Variants in POLQ observed in about 807,000 individuals in gnomAD.
POLQ encodes epididymis secretory sperm binding protein.
POLQ carries 233 observed loss-of-function variants against 259.2 expected under a neutral mutation model. The observed-to-expected ratio is 0.90, with a 90% CI of 0.81 to 1.00. POLQ has a LOEUF of 1.00. Among genes scored for constraint, POLQ ranks in the 50% least tolerant of loss-of-function variants. POLQ has a pLI of 0.00. For synonymous variants in POLQ, 1,025 were observed against 1,048.8 expected (o/e 0.98, Z 0.44); for missense variants, 2,871 against 3,051.6 (o/e 0.94, Z 1.39).
At position 121,490,334 on chromosome 3, in the gene POLQ, C is replaced by T. The variant is rs1264975013; in HGVS notation, c.2597G>A (p.Gly866Asp). 6 of 1,614,114 alleles carry T rather than the reference C, an allele frequency of 3.7e-6. No homozygotes were observed. The African/African-American group carries it at 8.0e-5, about 22-fold the overall frequency. ...TTCCCTTTCAGTTAAACCTTTTCTG[C>T]CAGTCACCCAGATAGTTCGCATATT... is the stretch of plus-strand genomic sequence containing the variant. ...RRNMRTIWVT[G>D]RKGLTEREAA... Residue 866 changes from glycine (G) to aspartate (D), a missense_variant, in exon 16 of 30, where the codon GGC becomes GAC. Transcript: ENST00000264233.
chr3:121,437,223 A>G (rs1249496150), intron 27 of POLQ, among the ~76,000 whole-genome samples: 1 of 152,132 alleles, frequency 6.6e-6, no homozygotes, highest in Non-Finnish European at 1.5e-5. Flanking sequence ...AAAATAAAAC[A>G]AAAACCTCTC....
intron 24 of POLQ, among the ~76,000 whole-genome samples, chr3:121,465,578 A>G (rs2047828423): frequency 6.6e-6 from 1 of 152,180 alleles, no homozygotes; most frequent in Non-Finnish European, 1.5e-5. Flanking sequence ...CAAGTGTTTC[A>G]GCACCATTTT....
intron 14 of POLQ, chr3:121,494,812 T>C: frequency 6.6e-7 from 1 of 1,522,220 alleles, no homozygotes; most frequent in East Asian, 2.2e-5. Context: ...AGACCCACCG[T>C]CACTGGGGCG....
Position 121,483,541 on chromosome 3 carries a change from G to T in POLQ, c.5815C>A (p.Leu1939Met). 1 of 1,573,152 alleles carries T rather than the reference G, an allele frequency of 6.4e-7. No homozygotes were observed. The highest frequency in any genetic ancestry group is 8.6e-7 in the Non-Finnish European group (1 of 1,166,368). ...TACCACATCCTGTCTTTCAAAGTCA[G>T]GCTTGGATCTAAAGAAGGTGGAACC... ...SLVPPSLDPSLTLKDRMWYLQ... is the reference protein window; with the variant it reads ...SLVPPSLDPSMTLKDRMWYLQ... Residue 1939 changes from leucine to methionine, a missense_variant, in exon 18 of 30, where the codon CTG becomes ATG. Coordinates refer to ENST00000264233, the MANE Select transcript of POLQ (RefSeq NM_199420.4).
chr3:121,519,893 G>T lies in POLQ; in HGVS notation c.1446C>A (p.Gly482=), dbSNP rs778050221. 6 of 1,594,100 alleles carry T rather than the reference G, an allele frequency of 3.8e-6. No individual in the cohort carries two copies. Among genetic ancestry groups the T allele is most frequent in the South Asian group, 1.1e-5 (1 of 90,712 alleles). The part of the protein sequence containing the change: ...LTYKQMVGRA[G]RKGVDTVGES... ...TACCTACTGTGTCCACTCCTTTCCTGCCAGCACGGCCAACCATCTGCTTAT... is the reference window on the plus strand; with the variant it reads ...TACCTACTGTGTCCACTCCTTTCCTTCCAGCACGGCCAACCATCTGCTTAT... Residue 482 remains glycine, a synonymous_variant, in exon 9 of 30, where the codon GGC becomes GGA. Transcript: ENST00000264233.
At chr3:121,469,639 T>C (rs192440684) in intron 22 of POLQ, among the ~76,000 whole-genome samples, 1 of 152,212 alleles carries the variant, frequency 6.6e-6, no homozygotes, top group Non-Finnish European at 1.5e-5. Context: ...CATCAACACA[T>C]TGTCTTCTTT....
chr3:121,465,118 G>C (rs975251170), intron 24 of POLQ, among the ~76,000 whole-genome samples: 6 of 141,164 alleles, frequency 4.3e-5, no homozygotes, highest in African/African-American at 1.6e-4. Flanking sequence ...ATAGGGTCTT[G>C]CTTTTTCGCC....
intron 24 of POLQ, among the ~76,000 whole-genome samples, chr3:121,465,991 C>T (rs572051129): frequency 1.3e-5 from 2 of 152,246 alleles, no homozygotes; most frequent in African/African-American, 4.8e-5. Flanking sequence ...GAAAGCTAGG[C>T]CTCTTGTGCC....
intron 15 of POLQ, 80 bp from the exon 16 acceptor site, chr3:121,490,488 T>C (rs2048059598): frequency 1.7e-6 from 2 of 1,148,134 alleles, no homozygotes; most frequent in Non-Finnish European, 1.3e-6. Context: ...CAATCTGAGC[T>C]GTTACCAGGA....
At chr3:121,441,858 A>G (rs1172492379) in intron 26 of POLQ, among the ~76,000 whole-genome samples, 1 of 152,266 alleles carries the variant, frequency 6.6e-6, no homozygotes, top group Non-Finnish European at 1.5e-5. Flanking sequence ...TGAACAACGT[A>G]AAAGACTGTG....
At chr3:121,491,270 T>G (rs1199857296) in intron 15 of POLQ, among the ~76,000 whole-genome samples, 3 of 145,896 alleles carry the variant, frequency 2.1e-5, no homozygotes, top group African/African-American at 7.6e-5. Flanking sequence ...GAAGAATTGC[T>G]TGAACCCAGG....
intron 27 of POLQ, among the ~76,000 whole-genome samples, chr3:121,436,905 A>G (rs560062697): frequency 6.6e-6 from 1 of 152,114 alleles, no homozygotes; most frequent in East Asian, 1.9e-4. Flanking sequence ...CATGCCTACT[A>G]AAATTAATCA....
rs1445261511 is a variant in POLQ, at chr3:121,488,112, C to A, written c.4819G>T (p.Asp1607Tyr). 1 of 1,613,698 alleles carries A rather than the reference C, an allele frequency of 6.2e-7. No individual in the cohort carries two copies. The highest frequency in any genetic ancestry group is 8.5e-7 in the Non-Finnish European group (1 of 1,179,792). Residue 1607 changes from aspartate (D) to tyrosine (Y), a missense_variant, in exon 16 of 30, where the codon GAT (aspartate) becomes TAT (tyrosine). Transcript: ENST00000264233. ...VLDEHHQGDQ[D>Y]GGDQDERAEK... ...GCCCTTTCATCTTGATCTCCTCCAT[C>A]TTGATCACCTTGGTGGTGCTCATCA...
At chr3:121,493,984 G>A (rs566061409) in intron 14 of POLQ, 1 of 598,992 alleles carries the variant, frequency 1.7e-6, no homozygotes, top group South Asian at 2.1e-5. Context: ...GAAAACTGAG[G>A]CAGAGCACAT....
rs1576425486 is a variant in POLQ at position 121,522,282 on chromosome 3, ATCTTTTTTTTT to A, written c.1109-144_1109-134del. 1.1e-4 allele frequency: 11 copies of A among 100,910 alleles called. No homozygotes were observed. The East Asian group carries it at 3.3e-3, about 31-fold the overall frequency. 6.3% of individuals were successfully genotyped at this position (100,910 alleles called of 1,614,324 possible). A position where few individuals can be genotyped will look rare whatever the true frequency, so the allele number is the denominator to read the frequency against. ...CTGCATACTATATAATCCCCTGGAG[ATCTTTTTTTTT>A]TTTTTTTTTTTTTTTTTTTTTTTTT... On this transcript the variant is annotated intron_variant, in intron 7 of 29. Transcript: ENST00000264233.
intron 6 of POLQ, among the ~76,000 whole-genome samples, chr3:121,531,003 C>CATGGAG (rs1433773885): frequency 2.0e-5 from 3 of 152,096 alleles, no homozygotes; most frequent in Non-Finnish European, 4.4e-5. Flanking sequence ...GCCTGACCAA[C>CATGGAG]ATGGAGAAGC....
chr3:121,449,425 A>T lies in POLQ; in HGVS notation c.7154T>A (p.Ile2385Asn). ...CATTCCATAAATGATCCCATAGCAA[A>T]TCTGAAAGGGAGTCATCCAACAAAT... Reference protein sequence around the residue: ...GDDLRQQAKQICYGIIYGMGA... With the variant: ...GDDLRQQAKQNCYGIIYGMGA... The change falls in exon 26 of 30, where the codon ATT becomes AAT. Residue 2385 changes from isoleucine (I) to asparagine (N), a missense_variant and splice_region_variant. Coordinates refer to ENST00000264233, the MANE Select transcript of POLQ (RefSeq NM_199420.4). 6.7e-7 allele frequency: 1 copy of T among 1,486,492 alleles called. No homozygotes were observed. Among genetic ancestry groups the T allele is most frequent in the Non-Finnish European group, 9.4e-7 (1 of 1,063,776 alleles). The allele number at this position is 1,486,492 out of a possible 1,614,324, so 92.1% of individuals were successfully genotyped here. A position where few individuals can be genotyped will look rare whatever the true frequency, so the allele number is the denominator to read the frequency against.
chr3:121,491,579 T>C (rs971494053), intron 15 of POLQ, among the ~76,000 whole-genome samples: 2 of 152,094 alleles, frequency 1.3e-5, no homozygotes, highest in African/African-American at 4.8e-5. Flanking sequence ...GCTAAAAACT[T>C]AGATAACAAC....
chr3:121,436,250 A>G lies in POLQ; in HGVS notation c.7415T>C (p.Ile2472Thr). ...AHAERQAINT[I>T]VQGSAADIVK... ...AATATCAGCTGCTGATCCTTGGACT[A>G]TTGTGTTGATAGCTTGACGCTCAGC... Residue 2472 changes from isoleucine (I) to threonine (T), a missense_variant, in exon 28 of 30, where the codon ATA (isoleucine) becomes ACA (threonine). Transcript: ENST00000264233. The G allele has an allele frequency of 6.2e-7, 1 of 1,613,842 alleles. No individual in the cohort carries two copies. The highest frequency in any genetic ancestry group is 8.5e-7 in the Non-Finnish European group (1 of 1,179,796).
Sources: allele counts gnomAD v4.1 joint callset (sites outside exome capture counted in the v4.1 genomes callset), GRCh38; gene constraint gnomAD v4.1.1; transcripts MANE v1.5; gene names NCBI Gene and HGNC (gene_info 2026-07-23, HGNC 2026-07-21).